The following PATZ1 variants were observed in gnomAD, a reference collection of about 807,000 sequenced individuals.
PATZ1 encodes POZ/BTB and AT hook containing zinc finger 1.
A neutral mutation model predicts 46.2 loss-of-function variants in PATZ1; 9 were observed. That is an observed-to-expected ratio of 0.19 (90% confidence interval 0.12 to 0.34). PATZ1 has a LOEUF of 0.34. Among genes scored for constraint, PATZ1 ranks in the 10% least tolerant of loss-of-function variants. The probability of loss-of-function intolerance (pLI) is 1.00; values close to 1 mark genes in which losing one functional copy is unlikely to be tolerated. For missense variants in PATZ1, 632 were observed against 923.0 expected (o/e 0.68, Z 4.08); for synonymous variants, 426 against 378.6 (o/e 1.13, Z -1.45).
At chr22:31,331,735 G>T (rs775980892) in intron 3 of PATZ1, among the ~76,000 whole-genome samples, 2 of 152,162 alleles carry the variant, frequency 1.3e-5, no homozygotes, top group Non-Finnish European at 2.9e-5. Flanking sequence ...CAATCAAAAG[G>T]GGACAGAAAG....
chr22:31,344,768 T>C lies in PATZ1; in HGVS notation c.835A>G (p.Met279Val). The change falls in exon 1 of 5, where the codon ATG becomes GTG. Residue 279 changes from methionine to valine, a missense_variant. Around this residue, in one of 7 missense-constraint regions of PATZ1, gnomAD observed 279 missense variants for 284.3 expected, o/e 0.98. Transcript: ENST00000266269. ...RPRKANLLDS[M>V]FGSPGGLREA... The stretch of plus-strand genomic sequence containing the variant: ...CTCAGGCCCCCTGGGGACCCAAACA[T>C]TGAGTCCAGCAGGTTGGCCTTCCTT... The C allele has an allele frequency of 6.2e-7, 1 of 1,609,604 alleles. No homozygotes were observed. The highest frequency in any genetic ancestry group is 8.5e-7 in the Non-Finnish European group (1 of 1,177,476).
rs2049380405 is a variant in PATZ1, at chr22:31,327,306, C to T, written c.1649G>A (p.Gly550Asp). The part of the protein sequence containing the change: ...HCARTYGNKE[G>D]QKCSHQDPIE... ...CGGATCCTGATGTGAGCATTTCTGG[C>T]CTTCTACGAAAAAACAAAATATAGG... Residue 550 changes from glycine (G) to aspartate (D), a missense_variant, in exon 5 of 5, where the codon GGC becomes GAC. By Grantham distance (94) the Gly-to-Asp change is moderately conservative. This residue lies in a region of PATZ1 where 176 missense variants were observed against 249.4 expected (regional missense o/e 0.71). Transcript: ENST00000266269. The surrounding 1 kb of genome is among the most constrained non-coding windows in gnomAD (Gnocchi z 4.2). The T allele has an allele frequency of 6.2e-7, 1 of 1,611,040 alleles. No individual in the cohort carries two copies. The highest frequency in any genetic ancestry group is 8.5e-7 in the Non-Finnish European group (1 of 1,178,330).
intron 2 of PATZ1, among the ~76,000 whole-genome samples, chr22:31,338,943 G>T (rs1239656878): frequency 1.3e-5 from 2 of 152,170 alleles, no homozygotes; most frequent in African/African-American, 4.8e-5. Context: ...CAGCTACTCG[G>T]GGGCTGAAAG....
chr22:31,335,370 T>A (rs932812491), intron 3 of PATZ1: 5 of 268,646 alleles, frequency 1.9e-5, no homozygotes, highest in Non-Finnish European at 3.5e-5. Context: ...ACCTCAGTGG[T>A]TCAGTGGTGT....
At chr22:31,330,251 A>T (rs1020327364) in intron 3 of PATZ1, among the ~76,000 whole-genome samples, 3 of 152,112 alleles carry the variant, frequency 2.0e-5, no homozygotes, top group Non-Finnish European at 4.4e-5. Flanking sequence ...GAATTTGCCC[A>T]ACACCCTTTG....
In PATZ1 at chr22:31,327,716, A is replaced by C. The variant is rs2049385375; in HGVS notation, c.1646-407T>G. On this transcript the variant is annotated intron_variant, in intron 4 of 4. Coordinates refer to ENST00000266269, the MANE Select transcript of PATZ1 (RefSeq NM_014323.3). This position sits in a 1 kb window ranked among gnomAD's most constrained non-coding sequence, Gnocchi z 4.2. ...TCTGATGATGCCGAGCCAGTGTAAT[A>C]GTAGCCTCGCCTCCTGCACCAGACT... is the stretch of plus-strand genomic sequence containing the variant. Among the ~76,000 whole-genome samples the C allele has an allele frequency of 6.6e-6, 1 of 152,176 alleles. No individual in the cohort carries two copies. Among genetic ancestry groups the C allele is most frequent in the South Asian group, 2.1e-4 (1 of 4,834 alleles).
intron 3 of PATZ1, 111 bp from the exon 4 acceptor site, chr22:31,329,035 C>T (rs1005226870): frequency 3.4e-6 from 4 of 1,191,192 alleles, no homozygotes; most frequent in Non-Finnish European, 4.6e-6. Flanking sequence ...GTCAGCTGCA[C>T]CTAGAAGGGG....
chr22:31,343,468 G>T (rs1242668027), intron 1 of PATZ1: 1 of 985,780 alleles, frequency 1.0e-6, no homozygotes. Flanking sequence ...TGGTAAGCCA[G>T]ATGCCCGCCT....
chr22:31,341,016 G>T, intron 2 of PATZ1: 3 of 1,077,610 alleles, frequency 2.8e-6, no homozygotes, highest in Non-Finnish European at 3.4e-6. Context: ...TGGGGAAAGG[G>T]GTGGCCAGGC....
intron 3 of PATZ1, among the ~76,000 whole-genome samples, chr22:31,329,182 G>A (rs1403734405): frequency 6.6e-6 from 1 of 152,246 alleles, no homozygotes; most frequent in Non-Finnish European, 1.5e-5. Flanking sequence ...TGGCTGCCTG[G>A]TGGGATGGCC....
intron 3 of PATZ1, among the ~76,000 whole-genome samples, chr22:31,331,288 A>G (rs2049438721): frequency 6.6e-6 from 1 of 152,134 alleles, no homozygotes; most frequent in Non-Finnish European, 1.5e-5. Context: ...CAATCAGTAC[A>G]AGATATTAGA....
In PATZ1 at chr22:31,346,237, G is replaced by GGGCGGC. The variant is rs921934050; in HGVS notation, c.-641_-636dup. 3.9e-5 allele frequency: 6 copies of GGGCGGC among 155,002 alleles called. No homozygotes were observed. The highest frequency in any genetic ancestry group is 6.7e-5 in the Admixed American group (1 of 14,960). The allele number at this position is 155,002 out of a possible 1,614,324, so 9.6% of individuals were successfully genotyped here. A position where few individuals can be genotyped will look rare whatever the true frequency, so the allele number is the denominator to read the frequency against. On this transcript the variant is annotated 5_prime_UTR_variant, in exon 1 of 5. Transcript: ENST00000266269. ...GGCGGCGGCGGCGGCTGGAGCGGGC[G>GGGCGGC]GGCGGCGGCGGCGGCAGAGTAGGCC...
In PATZ1 at chr22:31,326,900, T is replaced by C. The variant is rs2240424; in HGVS notation, c.2055A>G (p.Glu685=). ...PEVDQQPMGP[E]GK is the part of the protein sequence containing the mutation. ...GGACACAGCAGCTGCCTCATTTCCCTTCAGGCCCCATGGGCTGCTGGTCAA... is the reference window on the plus strand; with the variant it reads ...GGACACAGCAGCTGCCTCATTTCCCCTCAGGCCCCATGGGCTGCTGGTCAA... The change falls in exon 5 of 5, where the codon GAA becomes GAG. Residue 685 remains glutamate (E), a synonymous_variant. Coordinates refer to ENST00000266269, the MANE Select transcript of PATZ1 (RefSeq NM_014323.3). 1.2e-6 allele frequency: 2 copies of C among 1,611,832 alleles called. No homozygotes were observed. The highest frequency in any genetic ancestry group is 1.7e-6 in the Non-Finnish European group (2 of 1,178,654).
At chr22:31,329,573 G>C (rs1308659114) in intron 3 of PATZ1, among the ~76,000 whole-genome samples, 1 of 152,226 alleles carries the variant, frequency 6.6e-6, no homozygotes, top group African/African-American at 2.4e-5. Flanking sequence ...GAGGAGTGCA[G>C]TCATCTCTTA....
rs2049381743 is a variant in PATZ1 at position 31,327,409 on chromosome 22, CA to C, written c.1646-101del. ...GGCCAGCTCACAGACCTGTGGAGGG[CA>C]GCCATTGGCCAGCCACTGCCCTGGC... On this transcript the variant is annotated intron_variant, in intron 4 of 4. Transcript: ENST00000266269. This position sits in a 1 kb window ranked among gnomAD's most constrained non-coding sequence, Gnocchi z 4.2. 2.0e-6 allele frequency: 2 copies of C among 997,888 alleles called. No individual in the cohort carries two copies. The highest frequency in any genetic ancestry group is 4.9e-5 in the Admixed American group (2 of 41,196). 61.8% of individuals were successfully genotyped at this position (997,888 alleles called of 1,614,324 possible).
At position 31,344,526 on chromosome 22, in the gene PATZ1, G is replaced by C; in HGVS notation, c.1077C>G (p.Ile359Met). The change falls in exon 1 of 5, where the codon ATC (isoleucine) becomes ATG (methionine). Residue 359 changes from isoleucine to methionine, a missense_variant. Transcript: ENST00000266269. The stretch of plus-strand genomic sequence containing the variant: ...ACACATCACGGAAGATCTTGCCGCA[G>C]ATCTCACAAGCCACCTGCTTCCTGG... Reference protein sequence around the residue: ...SRTRKQVACEICGKIFRDVYH... With the variant: ...SRTRKQVACEMCGKIFRDVYH... 1 of 1,614,236 alleles carries C rather than the reference G, an allele frequency of 6.2e-7. No homozygotes were observed. Among genetic ancestry groups the C allele is most frequent in the Non-Finnish European group, 8.5e-7 (1 of 1,180,036 alleles).
intron 2 of PATZ1, among the ~76,000 whole-genome samples, chr22:31,338,701 G>A (rs1166562624): frequency 6.6e-6 from 1 of 152,198 alleles, no homozygotes; most frequent in African/African-American, 2.4e-5. Context: ...TGGTGAGAGA[G>A]GGTGTGTTCT....
At chr22:31,333,677 G>A (rs2049473976) in intron 3 of PATZ1, among the ~76,000 whole-genome samples, 1 of 152,188 alleles carries the variant, frequency 6.6e-6, no homozygotes, top group South Asian at 2.1e-4. Flanking sequence ...ACCCAGAGAT[G>A]TTTGGCCTGT....
At chr22:31,336,797 C>G (rs28639919) in intron 2 of PATZ1, among the ~76,000 whole-genome samples, 7 of 117,694 alleles carry the variant, frequency 5.9e-5, no homozygotes, top group Non-Finnish European at 1.0e-4. Context: ...CAAGTCAAGA[C>G]TTCCTCTCAA....
Sources: allele counts gnomAD v4.1 joint callset (sites outside exome capture counted in the v4.1 genomes callset), GRCh38; gene constraint gnomAD v4.1.1; regional missense constraint gnomAD v4.1.1; non-coding constraint Gnocchi (gnomAD v3.1); transcripts MANE v1.5; gene names NCBI Gene and HGNC (gene_info 2026-07-23, HGNC 2026-07-21).